The following PDIA3 variants were observed in gnomAD, a reference collection of about 807,000 sequenced individuals.
PDIA3 encodes protein disulfide isomerase family A member 3.
Under a neutral mutation model 56.9 loss-of-function variants are expected in PDIA3, and 16 were observed. The ratio of observed to expected loss-of-function variants is 0.28; its 90% confidence interval spans 0.19 to 0.43. The LOEUF is 0.43. PDIA3 is among the 20% of genes least tolerant of loss of function. PDIA3 has a pLI of 1.00. For synonymous variants in PDIA3, 192 were observed against 216.5 expected, an observed-to-expected ratio of 0.89 and a Z score of 0.99; for missense variants, 485 against 621.3, an observed-to-expected ratio of 0.78 and a Z score of 2.33.
At chr15:43,769,342 G>A (rs2086867600) in intron 9 of PDIA3, among the ~76,000 whole-genome samples, 176 bp from the exon 10 acceptor site, 2 of 152,198 alleles carry the variant, frequency 1.3e-5, no homozygotes, top group Admixed American at 1.3e-4. Context: ...ATAGGAACGA[G>A]TTGGTATCTA....
At chr15:43,749,953 A>G (rs2086732865) in intron 1 of PDIA3, among the ~76,000 whole-genome samples, 4 of 152,018 alleles carry the variant, frequency 2.6e-5, no homozygotes. Flanking sequence ...TCAAAAAAGA[A>G]AGTAAAATGG....
At position 43,763,062 on chromosome 15, in the gene PDIA3, A is replaced by G; in HGVS notation, c.473-15A>G. 1 of 1,612,552 alleles carries G rather than the reference A, an allele frequency of 6.2e-7. No individual in the cohort carries two copies. The highest frequency in any genetic ancestry group is 8.5e-7 in the Non-Finnish European group (1 of 1,178,826). ...ACTTATTGCTTCTTCCTTGTGTTTAATATTTTCTGTATAGGTTTTTTCGAT... is the reference window on the plus strand; with the variant it reads ...ACTTATTGCTTCTTCCTTGTGTTTAGTATTTTCTGTATAGGTTTTTTCGAT... On this transcript the variant is annotated splice_polypyrimidine_tract_variant and intron_variant, in intron 4 of 12. Transcript: ENST00000300289.
In PDIA3 at chr15:43,771,873, T is replaced by A. The variant is rs192515564; in HGVS notation, c.*655T>A. ...GATTAGAACAGCTGAAGGGCCTTTC[T>A]TGTTAGGCTGTCCATGCCCTAAGGA... On this transcript the variant is annotated 3_prime_UTR_variant, in exon 13 of 13. Transcript: ENST00000300289. 81 of 361,908 alleles carry A rather than the reference T, an allele frequency of 2.2e-4. No homozygotes were observed. The Admixed American group carries it at 3.3e-3, about 15-fold the overall frequency. 22.4% of individuals were successfully genotyped at this position (361,908 alleles called of 1,614,324 possible). A position where few individuals can be genotyped will look rare whatever the true frequency, so the allele number is the denominator to read the frequency against.
chr15:43,765,927 T>C lies in PDIA3; in HGVS notation c.760T>C (p.Leu254=). The C allele has an allele frequency of 6.2e-7, 1 of 1,613,396 alleles. No homozygotes were observed. The highest frequency in any genetic ancestry group is 8.5e-7 in the Non-Finnish European group (1 of 1,179,684). The part of the protein sequence containing the change: ...CPHMTEDNKD[L]IQGKDLLIAY... ...TCACATGACAGAAGACAATAAAGATTTGATACAGGGCAAGGACTTACTTAT... is the reference window on the plus strand; with the variant it reads ...TCACATGACAGAAGACAATAAAGATCTGATACAGGGCAAGGACTTACTTAT... Residue 254 remains leucine (L), a synonymous_variant, in exon 7 of 13, where the codon TTG becomes CTG. Coordinates refer to ENST00000300289, the MANE Select transcript of PDIA3 (RefSeq NM_005313.5).
chr15:43,760,156 T>A (rs1015966736), intron 3 of PDIA3, among the ~76,000 whole-genome samples: 17 of 151,980 alleles, frequency 1.1e-4, no homozygotes, highest in Admixed American at 1.0e-3. Flanking sequence ...TTTGGGAAGC[T>A]GAGGCAGGTG....
intron 3 of PDIA3, among the ~76,000 whole-genome samples, chr15:43,758,735 G>A (rs532702746): frequency 1.3e-5 from 2 of 152,188 alleles, no homozygotes; most frequent in African/African-American, 4.8e-5. Context: ...CAGCTCTTTG[G>A]GAGGCCAAGG....
At chr15:43,757,543 G>A (rs2086786499) in intron 3 of PDIA3, among the ~76,000 whole-genome samples, 1 of 147,930 alleles carries the variant, frequency 6.8e-6, no homozygotes, top group Non-Finnish European at 1.5e-5. Flanking sequence ...GGGCGACAGA[G>A]CGAGACTCCG....
In PDIA3 at chr15:43,766,926, G is replaced by A; in HGVS notation, c.1028+16G>A. On this transcript the variant is annotated intron_variant, in intron 8 of 12. Transcript: ENST00000300289. ...AGGAGTTCTCGTGAGTTGCTAGTTG[G>A]GCTTTGATTCTCCAAGGCAATTATT... 6.2e-7 allele frequency: 1 copy of A among 1,612,184 alleles called. No individual in the cohort carries two copies. Among genetic ancestry groups the A allele is most frequent in the South Asian group, 1.1e-5 (1 of 90,956 alleles).
chr15:43,756,748 G>A lies in PDIA3; in HGVS notation c.346G>A (p.Asp116Asn). ...FRDGEEAGAYDGPRTADGIVS... is the reference protein window; with the variant it reads ...FRDGEEAGAYNGPRTADGIVS... ...AGATGGTGAAGAAGCAGGTGCTTATGATGGACCTAGGACTGCTGGTAAGGA... is the reference window on the plus strand; with the variant it reads ...AGATGGTGAAGAAGCAGGTGCTTATAATGGACCTAGGACTGCTGGTAAGGA... Residue 116 changes from aspartate to asparagine, a missense_variant, in exon 3 of 13, where the codon GAT (aspartate) becomes AAT (asparagine). By Grantham distance (23) the Asp-to-Asn change is conservative (BLOSUM62 1). Coordinates refer to ENST00000300289, the MANE Select transcript of PDIA3 (RefSeq NM_005313.5). 1 of 1,587,884 alleles carries A rather than the reference G, an allele frequency of 6.3e-7. No homozygotes were observed. The highest frequency in any genetic ancestry group is 8.6e-7 in the Non-Finnish European group (1 of 1,157,654).
At chr15:43,754,838 C>A (rs1355621443) in intron 2 of PDIA3, among the ~76,000 whole-genome samples, 1 of 151,596 alleles carries the variant, frequency 6.6e-6, no homozygotes, top group East Asian at 1.9e-4. Context: ...CTTCCATAGT[C>A]CCAGCTACTC....
chr15:43,765,511 T>C lies in PDIA3; in HGVS notation c.664T>C (p.Tyr222His). The change falls in exon 6 of 13, where the codon TAT becomes CAT. Residue 222 changes from tyrosine to histidine, a missense_variant. Physicochemically the swap from Tyr to His is moderately conservative, Grantham distance 83. Transcript: ENST00000300289. ...CAAGTTTGAGGACAAGACTGTGGCATATACAGAGCAAAAAATGACCAGTGG... is the reference window on the plus strand; with the variant it reads ...CAAGTTTGAGGACAAGACTGTGGCACATACAGAGCAAAAAATGACCAGTGG... ...TNKFEDKTVAYTEQKMTSGKI... is the reference protein window; with the variant it reads ...TNKFEDKTVAHTEQKMTSGKI... 2 of 1,613,370 alleles carry C rather than the reference T, an allele frequency of 1.2e-6. No individual in the cohort carries two copies. Among genetic ancestry groups the C allele is most frequent in the Non-Finnish European group, 8.5e-7 (1 of 1,179,392 alleles).
intron 1 of PDIA3, 120 bp downstream of exon 1, chr15:43,746,826 G>A: frequency 1.8e-6 from 2 of 1,137,322 alleles, no homozygotes; most frequent in East Asian, 2.5e-5. Flanking sequence ...CCCTGCTGCG[G>A]CGGGCACATT....
intron 6 of PDIA3, among the ~76,000 whole-genome samples, 154 bp from the exon 7 acceptor site, chr15:43,765,730 ACTC>A (rs1218844709): frequency 1.3e-5 from 2 of 151,984 alleles, no homozygotes; most frequent in African/African-American, 2.4e-5. Context: ...GGGTGTTAGA[ACTC>A]CTGTTGTCAT....
chr15:43,769,460 T>TA, intron 9 of PDIA3, 58 bp from the exon 10 acceptor site: 12 of 1,546,936 alleles, frequency 7.8e-6, no homozygotes, highest in Non-Finnish European at 1.1e-5. Context: ...TAGGAACAAA[T>TA]ACAGTTGTGA....
intron 4 of PDIA3, 26 bp downstream of exon 4, chr15:43,761,557 C>A (rs2141652385): frequency 8.4e-7 from 1 of 1,189,670 alleles, no homozygotes; most frequent in East Asian, 2.3e-5. Flanking sequence ...TAAACCGTGC[C>A]ACAGAATTGT....
chr15:43,756,060 A>C (rs528480016), intron 2 of PDIA3, among the ~76,000 whole-genome samples: 2 of 152,342 alleles, frequency 1.3e-5, no homozygotes, highest in Non-Finnish European at 2.9e-5. Context: ...TAATATATGC[A>C]AAGTACTTGT....
intron 1 of PDIA3, chr15:43,746,993 C>G: frequency 1.9e-6 from 1 of 517,632 alleles, no homozygotes; most frequent in South Asian, 2.2e-5. Flanking sequence ...CCACCCCTTC[C>G]CCCAGTCCAA....
chr15:43,749,290 A>G (rs1213041942), intron 1 of PDIA3, among the ~76,000 whole-genome samples: 1 of 151,376 alleles, frequency 6.6e-6, no homozygotes, highest in Non-Finnish European at 1.5e-5. Flanking sequence ...ACGGGGTTTC[A>G]CCATGTTAGC....
Position 43,761,526 on chromosome 15 carries a change from T to C in PDIA3, c.467T>C (p.Ile156Thr). 4 of 1,454,250 alleles carry C rather than the reference T, an allele frequency of 2.8e-6. No individual in the cohort carries two copies. The highest frequency in any genetic ancestry group is 3.8e-6 in the Non-Finnish European group (4 of 1,039,816). The allele number at this position is 1,454,250 out of a possible 1,614,324, so 90.1% of individuals were successfully genotyped here. ...TTCATTAGTGATAAAGATGCCTCTA[T>C]AGTAGGTAAGTAGCAAATATTAAAC... ...KKFISDKDAS[I>T]VGFFDDSFSE... Residue 156 changes from isoleucine to threonine, a missense_variant, in exon 4 of 13, where the codon ATA (isoleucine) becomes ACA (threonine). Ile to Thr is a moderately conservative substitution (Grantham distance 89). Transcript: ENST00000300289.
Sources: gnomAD v4.1 joint callset for allele counts (sites outside exome capture counted in the v4.1 genomes callset) on GRCh38, gnomAD v4.1.1 for gene constraint, MANE v1.5 for transcripts, NCBI Gene and HGNC (gene_info 2026-07-23, HGNC 2026-07-21) for gene names.